ARAP2: variants seen among roughly 807,000 people sequenced by gnomAD.
ARAP2 encodes the protein arf-GAP with Rho-GAP domain, ANK repeat and PH domain-containing protein 2.
A neutral mutation model predicts 194.5 loss-of-function variants in ARAP2; 148 were observed. That is an observed-to-expected ratio of 0.76 (90% CI 0.67 to 0.87). The LOEUF (loss-of-function observed/expected upper bound fraction) is 0.87. ARAP2 is among the 40% of genes least tolerant of loss of function. The probability of loss-of-function intolerance (pLI) is 0.00; values close to 1 mark genes in which losing one functional copy is unlikely to be tolerated. For missense variants in ARAP2, 2,128 were observed against 1,989.7 expected (o/e 1.07, Z -1.32); for synonymous variants, 695 against 683.5 (o/e 1.02, Z -0.26).
At chr4:36,031,894 C>A (rs976388595) in intron 5 of ARAP2, among the ~76,000 whole-genome samples, 1 of 152,010 alleles carries the variant, frequency 6.6e-6, no homozygotes, top group Non-Finnish European at 1.5e-5. Flanking sequence ...GTCTTGAACT[C>A]CTGACCTCAG....
chr4:36,104,622 G>C (rs536013756), intron 27 of ARAP2, among the ~76,000 whole-genome samples: 74 of 152,024 alleles, frequency 4.9e-4, no homozygotes, highest in African/African-American at 1.7e-3. Flanking sequence ...TTAAGAAATT[G>C]ATTTTTTAAA....
intron 6 of ARAP2, among the ~76,000 whole-genome samples, chr4:36,201,131 C>T (rs930067253): frequency 6.6e-5 from 10 of 152,062 alleles, no homozygotes; most frequent in Non-Finnish European, 1.5e-4. Flanking sequence ...GAGCCACACA[C>T]AAATATTAAC....
intron 6 of ARAP2, among the ~76,000 whole-genome samples, chr4:36,018,386 A>G (rs1346700922): frequency 6.6e-6 from 1 of 151,804 alleles, no homozygotes; most frequent in African/African-American, 2.4e-5. Flanking sequence ...ACCAACAGCA[A>G]TGTAGAACTG....
intron 7 of ARAP2, among the ~76,000 whole-genome samples, chr4:36,188,893 T>TCTTCTGC: frequency 6.6e-6 from 1 of 152,346 alleles, no homozygotes; most frequent in East Asian, 1.9e-4. Context: ...AAGGATATCC[T>TCTTCTGC]CTTCTGCTAT....
At chr4:36,120,686 T>C (rs898954316) in intron 23 of ARAP2, among the ~76,000 whole-genome samples, 1 of 151,676 alleles carries the variant, frequency 6.6e-6, no homozygotes, top group East Asian at 1.9e-4. Context: ...ATATTAACTT[T>C]ATAAAATGGA....
chr4:36,092,023 G>A lies in ARAP2; in HGVS notation c.4286-3C>T. 1 of 1,542,830 alleles carries A rather than the reference G, an allele frequency of 6.5e-7. No homozygotes were observed. ...GATGCTTCCCAGTGTACTCCGGTCTGTAAAGTACAGCATTACTTTTGTGAG... is the reference window on the plus strand; with the variant it reads ...GATGCTTCCCAGTGTACTCCGGTCTATAAAGTACAGCATTACTTTTGTGAG... On this transcript the variant is annotated splice_polypyrimidine_tract_variant and splice_region_variant and intron_variant, in intron 27 of 32. Transcript: ENST00000303965.
intron 20 of ARAP2, among the ~76,000 whole-genome samples, chr4:36,129,537 T>C (rs534715680): frequency 1.2e-4 from 18 of 152,064 alleles, no homozygotes; most frequent in East Asian, 3.9e-4. Flanking sequence ...CTTGTAGCAT[T>C]TGACATTCTG....
At chr4:36,017,603 T>A (rs192561433) in intron 6 of ARAP2, among the ~76,000 whole-genome samples, 304 of 139,326 alleles carry the variant, frequency 2.2e-3, no homozygotes, top group Middle Eastern at 0.011. Flanking sequence ...CTGTGGAATC[T>A]TCCAGGCAGA....
intron 27 of ARAP2, among the ~76,000 whole-genome samples, chr4:36,097,186 T>C (rs1282911764): frequency 2.6e-5 from 4 of 152,096 alleles, no homozygotes; most frequent in Non-Finnish European, 5.9e-5. Flanking sequence ...ACAATCATTG[T>C]ATGTGATTGA....
In ARAP2 at chr4:36,208,412, A is replaced by C. The variant is rs535902540; in HGVS notation, c.1487+1978T>G. Among the ~76,000 whole-genome samples, 4 of 152,310 alleles carry C rather than the reference A, an allele frequency of 2.6e-5. No homozygotes were observed. The South Asian group carries it at 8.3e-4, about 32-fold the overall frequency. On this transcript the variant is annotated intron_variant, in intron 6 of 32. Transcript: ENST00000303965. Reference sequence around the variant, plus strand: ...GCAGAGTTAAATACTTGCAACAGAGACCATTTGACTATAAAGCTTAAAATA... The same window carrying C: ...GCAGAGTTAAATACTTGCAACAGAGCCCATTTGACTATAAAGCTTAAAATA...
At chr4:36,071,496 C>T (rs1278660196) in intron 32 of ARAP2, among the ~76,000 whole-genome samples, 1 of 152,114 alleles carries the variant, frequency 6.6e-6, no homozygotes, top group Non-Finnish European at 1.5e-5. Flanking sequence ...AAGTCACTTC[C>T]ACCATGAAGC....
intron 5 of ARAP2, among the ~76,000 whole-genome samples, chr4:36,034,498 C>A (rs146273610): frequency 6.6e-6 from 1 of 151,986 alleles, no homozygotes; most frequent in Non-Finnish European, 1.5e-5. Flanking sequence ...GATTTTGTAC[C>A]CTGAAACTTT....
chr4:36,026,673 G>T (rs1263872324), intron 5 of ARAP2, among the ~76,000 whole-genome samples: 3 of 152,196 alleles, frequency 2.0e-5, no homozygotes, highest in East Asian at 1.9e-4. Flanking sequence ...TAGTACAAGG[G>T]CTGGCAATCA....
chr4:36,192,685 A>T (rs1440124927), intron 7 of ARAP2, among the ~76,000 whole-genome samples: 6 of 152,220 alleles, frequency 3.9e-5, no homozygotes, highest in Non-Finnish European at 8.8e-5. Flanking sequence ...ACTAGAAAAA[A>T]ATAGTAGCTA....
chr4:36,041,603 T>C (rs1577632045), intron 5 of ARAP2, among the ~76,000 whole-genome samples: 2 of 152,274 alleles, frequency 1.3e-5, no homozygotes, highest in East Asian at 1.9e-4. Context: ...AGTTCAACCA[T>C]TGCAGAAAGT....
At chr4:36,054,012 G>C (rs1723095723) in intron 2 of ARAP2, among the ~76,000 whole-genome samples, 1 of 152,182 alleles carries the variant, frequency 6.6e-6, no homozygotes, top group Non-Finnish European at 1.5e-5. Context: ...TGTGTTTAGG[G>C]CATGTGACTA....
chr4:36,103,778 G>A (rs914772507), intron 27 of ARAP2, among the ~76,000 whole-genome samples: 3 of 151,786 alleles, frequency 2.0e-5, no homozygotes, highest in African/African-American at 7.2e-5. Context: ...AAATGAATGA[G>A]CAGAAATTAA....
intron 5 of ARAP2, among the ~76,000 whole-genome samples, chr4:36,043,627 C>T (rs1056277744): frequency 9.2e-5 from 14 of 151,760 alleles, no homozygotes; most frequent in South Asian, 2.1e-4. Flanking sequence ...CTGTTGCCTC[C>T]GCTATATAAT....
intron 5 of ARAP2, among the ~76,000 whole-genome samples, chr4:36,027,164 T>G (rs1346455413): frequency 1.3e-5 from 2 of 152,188 alleles, no homozygotes; most frequent in Non-Finnish European, 1.5e-5. Flanking sequence ...TGCTTTTCTC[T>G]GTACTTGACG....
Sources: gnomAD v4.1 joint callset for allele counts (sites outside exome capture counted in the v4.1 genomes callset) on GRCh38, gnomAD v4.1.1 for gene constraint, MANE v1.5 for transcripts, NCBI Gene and HGNC (gene_info 2026-07-23, HGNC 2026-07-21) for gene names.